SIGLEC15: variants seen among roughly 807,000 people sequenced by gnomAD.
The protein encoded by SIGLEC15 is sialic acid-binding Ig-like lectin 15.
In SIGLEC15, 31 loss-of-function variants were observed where a neutral mutation model predicts 26.2. The ratio of observed to expected loss-of-function variants is 1.18; its 90% CI spans 0.89 to 1.60. The LOEUF (loss-of-function observed/expected upper bound fraction) is 1.60. SIGLEC15 is among the 40% of genes most tolerant of loss of function. SIGLEC15 has a pLI of 0.00. For missense variants in SIGLEC15, 501 were observed against 488.4 expected, an observed-to-expected ratio of 1.03 and a Z score of -0.24; for synonymous variants, 207 against 221.9, an observed-to-expected ratio of 0.93 and a Z score of 0.60.
In SIGLEC15 at chr18:45,825,767, G is replaced by T. The variant is rs199664451; in HGVS notation, c.39G>T (p.Trp13Cys). The T allele has an allele frequency of 6.2e-7, 1 of 1,614,206 alleles. No individual in the cohort carries two copies. The highest frequency in any genetic ancestry group is 1.1e-5 in the South Asian group (1 of 91,088). ...KSIWLLACLA[W>C]VLPTGSFVRT... is the part of the protein sequence containing the mutation. ...TCTGGCTGCTGGCCTGCTTGGCGTGGGTTCTCCCGACAGGTGAGTGTCTGC... is the reference window on the plus strand; with the variant it reads ...TCTGGCTGCTGGCCTGCTTGGCGTGTGTTCTCCCGACAGGTGAGTGTCTGC... Residue 13 changes from tryptophan to cysteine, a missense_variant, in exon 1 of 6, where the codon TGG becomes TGT. Physicochemically the swap from Trp to Cys is radical, Grantham distance 215. Transcript: ENST00000389474.
Position 45,842,238 on chromosome 18 carries a change from C to G in SIGLEC15, c.*51C>G, listed in dbSNP as rs1230112647. On this transcript the variant is annotated 3_prime_UTR_variant, in exon 6 of 6. Coordinates refer to ENST00000389474, the MANE Select transcript of SIGLEC15 (RefSeq NM_213602.3). ...TTTCAGCACTGTAAAGAACAAAGGC[C>G]AGTGCGAGGCTTGGCTGGCACAGCC... The G allele has an allele frequency of 1.3e-6, 2 of 1,597,596 alleles. No individual in the cohort carries two copies. The highest frequency in any genetic ancestry group is 1.1e-5 in the South Asian group (1 of 90,734).
Position 45,838,360 on chromosome 18 carries a change from T to A in SIGLEC15, c.497-358T>A, listed in dbSNP as rs2048294203. On this transcript the variant is annotated intron_variant, in intron 3 of 5. Coordinates refer to ENST00000389474, the MANE Select transcript of SIGLEC15 (RefSeq NM_213602.3). ...CAAAGATGCCTGAACCAGGGTCCCG[T>A]CCCTAGAGCAGTGGCTCTCCACTCT... Among the ~76,000 whole-genome samples, 5 of 152,156 alleles carry A rather than the reference T, an allele frequency of 3.3e-5. No homozygotes were observed. The South Asian group carries it at 1.0e-3, about 32-fold the overall frequency.
chr18:45,827,569 T>C (rs2048195994), intron 1 of SIGLEC15, among the ~76,000 whole-genome samples: 1 of 152,202 alleles, frequency 6.6e-6, no homozygotes, highest in Non-Finnish European at 1.5e-5. Flanking sequence ...GTTTGCTGTT[T>C]ACTGGCTGCA....
Position 45,838,760 on chromosome 18 carries a change from C to G in SIGLEC15, c.539C>G (p.Ala180Gly). 1 of 1,581,254 alleles carries G rather than the reference C, an allele frequency of 6.3e-7. No individual in the cohort carries two copies. Among genetic ancestry groups the G allele is most frequent in the Non-Finnish European group, 8.5e-7 (1 of 1,171,808 alleles). ...IVNISVLPSP[A>G]HAFRALCTAE... ...AACATCTCGGTGCTGCCCAGTCCGG[C>G]TCACGCCTTCCGCGCGCTCTGCACT... is the stretch of plus-strand genomic sequence containing the variant. Residue 180 changes from alanine to glycine, a missense_variant, in exon 4 of 6, where the codon GCT (alanine) becomes GGT (glycine). Ala to Gly is a moderately conservative substitution (Grantham distance 60). Coordinates refer to ENST00000389474, the MANE Select transcript of SIGLEC15 (RefSeq NM_213602.3).
chr18:45,825,984 G>A (rs747616977), intron 1 of SIGLEC15, among the ~76,000 whole-genome samples: 1 of 152,182 alleles, frequency 6.6e-6, no homozygotes, highest in Non-Finnish European at 1.5e-5. Flanking sequence ...GGTGACTTGA[G>A]ACAGGCACTC....
At position 45,838,706 on chromosome 18, in the gene SIGLEC15, T is replaced by A. The variant is rs1599396637; in HGVS notation, c.497-12T>A. 1.9e-6 allele frequency: 3 copies of A among 1,561,224 alleles called. No homozygotes were observed. The highest frequency in any genetic ancestry group is 1.7e-6 in the Non-Finnish European group (2 of 1,163,824). ...GTGCCCTTGTGACAGTCACCCGCCT[T>A]CTCCCCTGCAGCCGCGCCGCGGATC... On this transcript the variant is annotated splice_polypyrimidine_tract_variant and intron_variant, in intron 3 of 5. Transcript: ENST00000389474.
At position 45,840,199 on chromosome 18, in the gene SIGLEC15, T is replaced by G; in HGVS notation, c.875-12T>G. The stretch of plus-strand genomic sequence containing the variant: ...GAGATTCATGCCTGCTCTCTTGCTG[T>G]CCCTCCCACAGAGCATCTGGACACC... On this transcript the variant is annotated splice_polypyrimidine_tract_variant and intron_variant, in intron 4 of 5. Transcript: ENST00000389474. 2 of 1,612,856 alleles carry G rather than the reference T, an allele frequency of 1.2e-6. No individual in the cohort carries two copies. The highest frequency in any genetic ancestry group is 8.5e-7 in the Non-Finnish European group (1 of 1,179,502).
chr18:45,834,488 G>A (rs1301583030), intron 1 of SIGLEC15, among the ~76,000 whole-genome samples: 2 of 152,218 alleles, frequency 1.3e-5, no homozygotes, highest in Non-Finnish European at 2.9e-5. Context: ...GCCCCCTGCT[G>A]TAGGAAAGAC....
In SIGLEC15 at chr18:45,833,504, G is replaced by A. The variant is rs1376180141; in HGVS notation, c.53-3525G>A. On this transcript the variant is annotated intron_variant, in intron 1 of 5. Coordinates refer to ENST00000389474, the MANE Select transcript of SIGLEC15 (RefSeq NM_213602.3). ...ATTTTTGTATTTTTAGTAGAGACGG[G>A]GTTTTACCATGTTAGCCAGGCTGGT... 5.3e-5 allele frequency among the ~76,000 whole-genome samples: 8 copies of A among 152,064 alleles called. No homozygotes were observed. The South Asian group carries it at 6.2e-4, about 12-fold the overall frequency.
At chr18:45,834,382 A>G (rs576942315) in intron 1 of SIGLEC15, among the ~76,000 whole-genome samples, 1 of 152,214 alleles carries the variant, frequency 6.6e-6, no homozygotes. Context: ...TGGACAAGAC[A>G]CACAGTTCAA....
intron 4 of SIGLEC15, among the ~76,000 whole-genome samples, 186 bp from the exon 5 acceptor site, chr18:45,840,025 A>G (rs1202076286): frequency 1.3e-5 from 2 of 151,700 alleles, no homozygotes; most frequent in Non-Finnish European, 2.9e-5. Context: ...TCCTCAGTCC[A>G]CCCCTCTCCT....
chr18:45,827,819 T>TA (rs1228446537), intron 1 of SIGLEC15, among the ~76,000 whole-genome samples: 2 of 152,170 alleles, frequency 1.3e-5, no homozygotes, highest in Admixed American at 1.3e-4. Flanking sequence ...TCTCTCCTGT[T>TA]ACGGGTCAGC....
intron 1 of SIGLEC15, among the ~76,000 whole-genome samples, chr18:45,830,329 G>A (rs1272074919): frequency 6.6e-6 from 1 of 152,222 alleles, no homozygotes; most frequent in Non-Finnish European, 1.5e-5. Context: ...CACAGGTGTG[G>A]GGCTTTGGGA....
At chr18:45,831,008 G>A (rs1325712801) in intron 1 of SIGLEC15, among the ~76,000 whole-genome samples, 2 of 152,170 alleles carry the variant, frequency 1.3e-5, no homozygotes, top group Non-Finnish European at 2.9e-5. Flanking sequence ...AACATCTAGA[G>A]TTATCAACTC....
At chr18:45,828,124 A>C (rs1214090689) in intron 1 of SIGLEC15, among the ~76,000 whole-genome samples, 1 of 152,198 alleles carries the variant, frequency 6.6e-6, no homozygotes, top group Non-Finnish European at 1.5e-5. Context: ...CGGCCTGGGC[A>C]GGAGGCCCGA....
chr18:45,835,907 CAGAAAAGAGAAGGCTCA>C (rs373392731), intron 1 of SIGLEC15, among the ~76,000 whole-genome samples: 1 of 152,242 alleles, frequency 6.6e-6, no homozygotes, highest in African/African-American at 2.4e-5. Context: ...ATTTTTCCAC[CAGAAAAGAGAAGGCTCA>C]ATGGGTCCAG....
At chr18:45,830,409 C>T (rs866664707) in intron 1 of SIGLEC15, among the ~76,000 whole-genome samples, 1 of 152,098 alleles carries the variant, frequency 6.6e-6, no homozygotes, top group Non-Finnish European at 1.5e-5. Context: ...AGCTAATGCC[C>T]GATGCGGCAG....
chr18:45,830,742 T>G (rs533782726), intron 1 of SIGLEC15, among the ~76,000 whole-genome samples: 1 of 145,120 alleles, frequency 6.9e-6, no homozygotes, highest in African/African-American at 2.6e-5. Context: ...CCCACTGCCA[T>G]GCCAGGCTAA....
At chr18:45,832,502 G>T (rs1477976202) in intron 1 of SIGLEC15, among the ~76,000 whole-genome samples, 1 of 152,026 alleles carries the variant, frequency 6.6e-6, no homozygotes, top group African/African-American at 2.4e-5. Flanking sequence ...CAGATTGGGT[G>T]CTTGATAAAA....
Sources: allele counts gnomAD v4.1 joint callset (sites outside exome capture counted in the v4.1 genomes callset), GRCh38; gene constraint gnomAD v4.1.1; transcripts MANE v1.5; gene names NCBI Gene and HGNC (gene_info 2026-07-23, HGNC 2026-07-21).